Variants in SLIT2 observed in about 807,000 individuals in gnomAD.
SLIT2 encodes slit guidance ligand 2, also known as slit homolog 2 protein.
Under a neutral mutation model 185.7 loss-of-function variants are expected in SLIT2, and 41 were observed. That is an observed-to-expected ratio of 0.22 (90% confidence interval 0.17 to 0.29). SLIT2 has a LOEUF of 0.29. Among genes scored for constraint, SLIT2 ranks in the 10% least tolerant of loss-of-function variants. The pLI is 1.00. For synonymous variants in SLIT2, 693 were observed against 680.2 expected, an observed-to-expected ratio of 1.02 and a Z score of -0.29; for missense variants, 1,571 against 1,909.0, an observed-to-expected ratio of 0.82 and a Z score of 3.30.
chr4:20,403,727 C>T (rs1373842457), intron 4 of SLIT2, among the ~76,000 whole-genome samples: 1 of 151,860 alleles, frequency 6.6e-6, no homozygotes. Flanking sequence ...AATGAATAAG[C>T]TCCGTTAGCA....
At chr4:20,361,921 C>G (rs920172504) in intron 4 of SLIT2, among the ~76,000 whole-genome samples, 6 of 151,990 alleles carry the variant, frequency 3.9e-5, no homozygotes, top group African/African-American at 1.4e-4. Context: ...TTTTAACAAT[C>G]ATATTCAGAA....
chr4:20,362,129 T>C (rs1012744464), intron 4 of SLIT2, among the ~76,000 whole-genome samples: 1 of 152,124 alleles, frequency 6.6e-6, no homozygotes, highest in African/African-American at 2.4e-5. Context: ...TTGTCCTCCT[T>C]TCCTGCGCTG....
chr4:20,505,807 A>C (rs1719156099), intron 9 of SLIT2, among the ~76,000 whole-genome samples: 1 of 152,076 alleles, frequency 6.6e-6, no homozygotes, highest in Non-Finnish European at 1.5e-5. Context: ...TGAAATAGAC[A>C]CCAGAACGTG....
intron 4 of SLIT2, among the ~76,000 whole-genome samples, chr4:20,279,461 A>T (rs1028682252): frequency 2.0e-5 from 3 of 152,120 alleles, no homozygotes; most frequent in Non-Finnish European, 2.9e-5. Context: ...AAGCTTTCTC[A>T]ATGGTTTTAG....
chr4:20,547,500 T>C (rs1723351282), intron 22 of SLIT2, among the ~76,000 whole-genome samples: 1 of 152,030 alleles, frequency 6.6e-6, no homozygotes, highest in East Asian at 1.9e-4. Context: ...AATATGAGTA[T>C]AAAGCTCCTC....
chr4:20,315,817 T>A (rs1157933333), intron 4 of SLIT2, among the ~76,000 whole-genome samples: 3 of 152,108 alleles, frequency 2.0e-5, no homozygotes, highest in Admixed American at 6.5e-5. Flanking sequence ...TTGAGAATTC[T>A]ATAGCCATGG....
rs568381067 is a variant in SLIT2, at chr4:20,417,522, G to A, written c.396-50230G>A. ...TATACATATATAGATATGTGTGTGTGTATATATATATATGTATATATATAG... is the reference window on the plus strand; with the variant it reads ...TATACATATATAGATATGTGTGTGTATATATATATATATGTATATATATAG... On this transcript the variant is annotated intron_variant, in intron 4 of 36. Transcript: ENST00000504154. 6.1e-4 allele frequency among the ~76,000 whole-genome samples: 89 copies of A among 146,868 alleles called. No individual in the cohort carries two copies. In the South Asian group the frequency reaches 0.015, roughly 24 times the overall value.
At chr4:20,578,281 T>C (rs1726235955) in intron 29 of SLIT2, among the ~76,000 whole-genome samples, 1 of 152,170 alleles carries the variant, frequency 6.6e-6, no homozygotes, top group Non-Finnish European at 1.5e-5. Flanking sequence ...TCCCATGCCC[T>C]CAAGTAGTGT....
At chr4:20,488,142 T>A (rs950346040) in intron 7 of SLIT2, among the ~76,000 whole-genome samples, 2 of 152,162 alleles carry the variant, frequency 1.3e-5, no homozygotes, top group African/African-American at 4.8e-5. Flanking sequence ...CTTGTGTGGA[T>A]CCTGCCAACA....
chr4:20,438,794 G>A (rs933934554), intron 4 of SLIT2, among the ~76,000 whole-genome samples: 7 of 152,100 alleles, frequency 4.6e-5, no homozygotes, highest in Admixed American at 1.3e-4. Flanking sequence ...CTGGCCATTC[G>A]TTCTGTCTAG....
At chr4:20,287,750 A>G (rs7680945) in intron 4 of SLIT2, among the ~76,000 whole-genome samples, 45,623 of 152,032 alleles carry the variant, frequency 0.3, 7,549 homozygotes, top group East Asian at 0.68. Context: ...AATTCAAGCT[A>G]CTGGTGGCAA....
At chr4:20,360,172 A>G (rs1402319460) in intron 4 of SLIT2, among the ~76,000 whole-genome samples, 1 of 152,170 alleles carries the variant, frequency 6.6e-6, no homozygotes, top group African/African-American at 2.4e-5. Flanking sequence ...TTTCCTCTGT[A>G]TTAAGTCATT....
intron 4 of SLIT2, among the ~76,000 whole-genome samples, chr4:20,406,217 A>G (rs966737546): frequency 6.9e-6 from 1 of 144,536 alleles, no homozygotes; most frequent in African/African-American, 2.4e-5. Flanking sequence ...TCTTGCAGAT[A>G]TCATAGAATA....
chr4:20,337,943 C>T (rs532919238), intron 4 of SLIT2, among the ~76,000 whole-genome samples: 3 of 151,952 alleles, frequency 2.0e-5, no homozygotes, highest in Admixed American at 6.6e-5. Flanking sequence ...TGGAAAAAAC[C>T]CTAAGTTCAC....
At chr4:20,412,838 A>G (rs1727364859) in intron 4 of SLIT2, among the ~76,000 whole-genome samples, 2 of 151,976 alleles carry the variant, frequency 1.3e-5, no homozygotes, top group South Asian at 2.1e-4. Flanking sequence ...AAAGACAATT[A>G]TTTTTCTATG....
intron 4 of SLIT2, among the ~76,000 whole-genome samples, chr4:20,395,034 A>AT (rs1261069514): frequency 6.6e-6 from 1 of 151,844 alleles, no homozygotes; most frequent in Non-Finnish European, 1.5e-5. Context: ...ATTGCTTTTT[A>AT]TTTTTTGCAT....
intron 30 of SLIT2, among the ~76,000 whole-genome samples, chr4:20,593,407 A>G (rs1334680549): frequency 6.6e-6 from 1 of 152,122 alleles, no homozygotes; most frequent in African/African-American, 2.4e-5. Flanking sequence ...GATCTCACCT[A>G]TATGTGGAAT....
intron 4 of SLIT2, among the ~76,000 whole-genome samples, chr4:20,430,159 A>G (rs1402635944): frequency 6.6e-6 from 1 of 152,166 alleles, no homozygotes; most frequent in Non-Finnish European, 1.5e-5. Context: ...TGTTTTAAAA[A>G]TTCTTTTTTT....
intron 5 of SLIT2, among the ~76,000 whole-genome samples, chr4:20,473,282 A>G (rs1407200969): frequency 6.6e-6 from 1 of 152,016 alleles, no homozygotes; most frequent in Non-Finnish European, 1.5e-5. Context: ...TTTTCCAGGA[A>G]CAAAATGCTT....
Sources: gnomAD v4.1 joint callset for allele counts (sites outside exome capture counted in the v4.1 genomes callset) on GRCh38, gnomAD v4.1.1 for gene constraint, MANE v1.5 for transcripts, NCBI Gene and HGNC (gene_info 2026-07-23, HGNC 2026-07-21) for gene names.